Variants in SOX5 observed in about 807,000 individuals in gnomAD.
The protein encoded by SOX5 is SRY-box transcription factor 5.
SOX5 carries 9 observed loss-of-function variants against 92.0 expected under a neutral mutation model. The observed-to-expected ratio is 0.10, with a 90% CI of 0.06 to 0.17. The LOEUF (loss-of-function observed/expected upper bound fraction) is 0.17. Ranked by LOEUF, SOX5 falls within the 10% of genes least tolerant of loss-of-function variation. The pLI is 1.00. For synonymous variants in SOX5, 344 were observed against 336.3 expected, an observed-to-expected ratio of 1.02 and a Z score of -0.25; for missense variants, 642 against 944.5, an observed-to-expected ratio of 0.68 and a Z score of 4.20.
chr12:23,566,229 T>A (rs1372976762), intron 10 of SOX5, among the ~76,000 whole-genome samples: 1 of 152,200 alleles, frequency 6.6e-6, no homozygotes, highest in Non-Finnish European at 1.5e-5. Flanking sequence ...AAATAAAGTG[T>A]CTTCTTTAAC....
intron 4 of SOX5, among the ~76,000 whole-genome samples, chr12:24,110,791 C>T (rs904104617): frequency 6.7e-6 from 1 of 149,824 alleles, no homozygotes; most frequent in Non-Finnish European, 1.5e-5. Context: ...GGCCCAGCTA[C>T]TCGGGAGGCT....
intron 1 of SOX5, among the ~76,000 whole-genome samples, chr12:24,399,194 ACC>A (rs1960872158): frequency 6.6e-6 from 1 of 151,698 alleles, no homozygotes; most frequent in Admixed American, 6.6e-5. Context: ...CAAAAAAAAA[ACC>A]AAACAAACAG....
At chr12:24,541,827 T>C (rs569261710) in intron 1 of SOX5, among the ~76,000 whole-genome samples, 1 of 152,326 alleles carries the variant, frequency 6.6e-6, no homozygotes, top group Admixed American at 6.5e-5. Flanking sequence ...GTTCCAGGTC[T>C]TCCTAGGTGA....
chr12:23,983,149 G>A (rs1949750873), intron 4 of SOX5, among the ~76,000 whole-genome samples: 1 of 149,312 alleles, frequency 6.7e-6, no homozygotes, highest in East Asian at 2.0e-4. Context: ...CATGTCCTAA[G>A]AGAAACCTTA....
chr12:23,737,539 C>G (rs2093647981), intron 5 of SOX5, among the ~76,000 whole-genome samples: 1 of 152,088 alleles, frequency 6.6e-6, no homozygotes, highest in Admixed American at 6.5e-5. Context: ...GACTCCATCT[C>G]AAACATATAC....
intron 10 of SOX5, among the ~76,000 whole-genome samples, chr12:23,567,169 C>T (rs998388234): frequency 4.6e-5 from 7 of 152,068 alleles, no homozygotes; most frequent in Non-Finnish European, 8.8e-5. Flanking sequence ...GTTAAATGGG[C>T]GTCAGACCAT....
At chr12:24,329,350 G>T (rs1397822383) in intron 2 of SOX5, among the ~76,000 whole-genome samples, 1 of 152,142 alleles carries the variant, frequency 6.6e-6, no homozygotes, top group African/African-American at 2.4e-5. Flanking sequence ...TTACATGGCG[G>T]CAGGCGAGAG....
At chr12:24,549,367 G>A (rs1952936234) in intron 1 of SOX5, among the ~76,000 whole-genome samples, 1 of 152,164 alleles carries the variant, frequency 6.6e-6, no homozygotes, top group South Asian at 2.1e-4. Flanking sequence ...ATGGTGTCTG[G>A]CTCATAGTAG....
chr12:23,895,945 C>G lies in SOX5; in HGVS notation c.118G>C (p.Glu40Gln), dbSNP rs1048008289. ...VAMVTSRQKV[E>Q]EEESDGLPAF... The stretch of plus-strand genomic sequence containing the variant: ...GGGAGCCCGTCACTCTCCTCTTCTT[C>G]CACTTTCTGTCTGCTTGTCACCATG... The change falls in exon 2 of 15, where the codon GAA becomes CAA. Residue 40 changes from glutamate (E) to glutamine (Q), a missense_variant. Physicochemically the swap from Glu to Gln is conservative, Grantham distance 29 (BLOSUM62 2). Transcript: ENST00000451604. 23 of 1,613,994 alleles carry G rather than the reference C, an allele frequency of 1.4e-5. No individual in the cohort carries two copies. Among genetic ancestry groups the G allele is most frequent in the Non-Finnish European group, 1.9e-5 (22 of 1,179,972 alleles).
chr12:24,544,769 C>G (rs1007147524), intron 1 of SOX5, among the ~76,000 whole-genome samples: 6 of 152,082 alleles, frequency 3.9e-5, no homozygotes, highest in Non-Finnish European at 8.8e-5. Flanking sequence ...CATGTCAAAC[C>G]CATTAAATTG....
chr12:24,222,314 T>G (rs1960663461), intron 3 of SOX5, among the ~76,000 whole-genome samples: 1 of 152,046 alleles, frequency 6.6e-6, no homozygotes, highest in Non-Finnish European at 1.5e-5. Context: ...CAGGGTAGAG[T>G]CTATTTTAAT....
At chr12:24,217,004 G>A (rs1959200614) in intron 3 of SOX5, among the ~76,000 whole-genome samples, 1 of 152,222 alleles carries the variant, frequency 6.6e-6, no homozygotes, top group Non-Finnish European at 1.5e-5. Context: ...CCAGGAGGGT[G>A]TTGCAACCAA....
chr12:24,520,512 A>C (rs1597546461), intron 1 of SOX5, among the ~76,000 whole-genome samples: 1 of 151,984 alleles, frequency 6.6e-6, no homozygotes, highest in East Asian at 1.9e-4. Flanking sequence ...GTAAAAAAAA[A>C]CAAAGCAAAT....
At chr12:24,196,686 T>C (rs1165355329) in intron 4 of SOX5, among the ~76,000 whole-genome samples, 1 of 152,110 alleles carries the variant, frequency 6.6e-6, no homozygotes, top group Non-Finnish European at 1.5e-5. Context: ...GGCTGTTCAC[T>C]TGAGCCCAGG....
chr12:23,546,524 G>A, intron 11 of SOX5, 100 bp from the exon 12 acceptor site: 1 of 677,516 alleles, frequency 1.5e-6, no homozygotes, highest in South Asian at 1.8e-5. Flanking sequence ...TCCTGGAAAG[G>A]ATGCAATGTT....
intron 4 of SOX5, among the ~76,000 whole-genome samples, chr12:24,002,100 T>C (rs950299675): frequency 6.6e-6 from 1 of 151,450 alleles, no homozygotes; most frequent in African/African-American, 2.4e-5. Flanking sequence ...TAGTAGAAAA[T>C]AAAAAAAGTT....
upstream of SOX5, among the ~76,000 whole-genome samples, chr12:23,955,038 G>A (rs1946112052): frequency 6.6e-6 from 1 of 152,024 alleles, no homozygotes; most frequent in Non-Finnish European, 1.5e-5. Flanking sequence ...GCGATATGTA[G>A]ACTTATCCCA....
intron 1 of SOX5, among the ~76,000 whole-genome samples, chr12:24,505,874 C>A (rs73291643): frequency 6.8e-6 from 1 of 148,018 alleles, no homozygotes; most frequent in Non-Finnish European, 1.5e-5. Flanking sequence ...TGTGTGTGTG[C>A]GCATCACTGC....
intron 4 of SOX5, among the ~76,000 whole-genome samples, chr12:24,198,573 C>T (rs1957224723): frequency 6.6e-6 from 1 of 152,174 alleles, no homozygotes; most frequent in Non-Finnish European, 1.5e-5. Context: ...GATATACGAA[C>T]TAATAACCCG....
Sources: allele counts gnomAD v4.1 joint callset (sites outside exome capture counted in the v4.1 genomes callset), GRCh38; gene constraint gnomAD v4.1.1; transcripts MANE v1.5; gene names NCBI Gene and HGNC (gene_info 2026-07-23, HGNC 2026-07-21).